PHIP: variants seen among roughly 807,000 people sequenced by gnomAD.
The protein encoded by PHIP is PH-interacting protein.
A neutral mutation model predicts 236.8 loss-of-function variants in PHIP; 54 were observed. That is an observed-to-expected ratio of 0.23 (90% CI 0.18 to 0.29). The LOEUF (loss-of-function observed/expected upper bound fraction) is 0.29, where lower values mean the gene tolerates loss of function less well. PHIP is among the 10% of genes least tolerant of loss of function. PHIP has a pLI of 1.00. For synonymous variants in PHIP, 756 were observed against 718.9 expected, an observed-to-expected ratio of 1.05 and a Z score of -0.83; for missense variants, 1,370 against 2,190.8, an observed-to-expected ratio of 0.63 and a Z score of 7.48.
chr6:79,038,338 G>A (rs961130513), intron 7 of PHIP, among the ~76,000 whole-genome samples: 2 of 152,194 alleles, frequency 1.3e-5, no homozygotes, highest in Non-Finnish European at 2.9e-5. Flanking sequence ...TGGCTCCCCT[G>A]AGCCTCTTTT....
At chr6:79,005,828 C>T (rs753919236) in intron 15 of PHIP, among the ~76,000 whole-genome samples, 47 of 151,832 alleles carry the variant, frequency 3.1e-4, no homozygotes, top group Non-Finnish European at 3.8e-4. Flanking sequence ...GTGAGGGTTG[C>T]GGGGCAAGTA....
intron 7 of PHIP, among the ~76,000 whole-genome samples, chr6:79,026,986 C>G (rs934170483): frequency 3.3e-5 from 5 of 152,050 alleles, no homozygotes; most frequent in Non-Finnish European, 5.9e-5. Flanking sequence ...AAAACACACA[C>G]TTTTGCAAAA....
intron 4 of PHIP, among the ~76,000 whole-genome samples, chr6:79,065,986 AGCTTTT>A (rs2127776340): frequency 1.3e-5 from 2 of 152,150 alleles, no homozygotes; most frequent in South Asian, 4.1e-4. Flanking sequence ...TATAAACTTA[AGCTTTT>A]AATTTAAATT....
chr6:79,014,804 G>T (rs1045758431), intron 15 of PHIP, among the ~76,000 whole-genome samples: 2 of 151,338 alleles, frequency 1.3e-5, no homozygotes, highest in African/African-American at 2.4e-5. Context: ...TCTCTATATT[G>T]TATCTTCATA....
chr6:78,979,583 CT>C (rs1768368200), intron 23 of PHIP, among the ~76,000 whole-genome samples: 1 of 152,048 alleles, frequency 6.6e-6, no homozygotes, highest in Non-Finnish European at 1.5e-5. Flanking sequence ...AGTTCCTTAA[CT>C]TTGCTGGTCA....
intron 4 of PHIP, among the ~76,000 whole-genome samples, chr6:79,070,933 T>C (rs895362149): frequency 2.6e-5 from 4 of 152,234 alleles, no homozygotes; most frequent in African/African-American, 9.6e-5. Context: ...GAAGGCCTGC[T>C]GTACATGAAT....
rs746894193 is a variant in PHIP, at chr6:78,997,474, C to T, written c.2141G>A (p.Arg714Gln). 1.9e-6 allele frequency: 3 copies of T among 1,613,842 alleles called. No homozygotes were observed. Among genetic ancestry groups the T allele is most frequent in the Middle Eastern group, 1.6e-4 (1 of 6,080 alleles). Residue 714 changes from arginine (R) to glutamine (Q), a missense_variant, in exon 19 of 40, where the codon CGG becomes CAG. Arg to Gln is a conservative substitution (Grantham distance 43). Around this residue, in one of 14 missense-constraint regions of PHIP, gnomAD observed 133 missense variants for 245.2 expected, o/e 0.54. Coordinates refer to ENST00000275034, the MANE Select transcript of PHIP (RefSeq NM_017934.7). ...NAPRSEIATERDLVAWSRRVV... is the reference protein window; with the variant it reads ...NAPRSEIATEQDLVAWSRRVV... Reference sequence around the variant, plus strand: ...CCTTCGACTCCAAGCTACCAGATCCCGCTCTGTGGCTATTTCACTTCTTGG... The same window carrying T: ...CCTTCGACTCCAAGCTACCAGATCCTGCTCTGTGGCTATTTCACTTCTTGG...
At chr6:79,075,072 C>T (rs752860071) in intron 4 of PHIP, among the ~76,000 whole-genome samples, 7 of 152,062 alleles carry the variant, frequency 4.6e-5, no homozygotes, top group Middle Eastern at 3.4e-3. Context: ...CGATATACAA[C>T]AACGTAAAAC....
chr6:79,026,298 G>C, intron 7 of PHIP, 134 bp from the exon 8 acceptor site: 1 of 681,418 alleles, frequency 1.5e-6, no homozygotes, highest in Non-Finnish European at 2.5e-6. Context: ...TTAAATACTT[G>C]TGTTAGCTTA....
At chr6:79,033,731 C>G (rs1167028526) in intron 7 of PHIP, among the ~76,000 whole-genome samples, 2 of 152,164 alleles carry the variant, frequency 1.3e-5, no homozygotes, top group Admixed American at 6.5e-5. Flanking sequence ...TTTGTGTGCT[C>G]ACTGGAGTAG....
chr6:79,059,350 A>T (rs1349224402), intron 6 of PHIP, among the ~76,000 whole-genome samples: 16 of 151,744 alleles, frequency 1.1e-4, no homozygotes, highest in Non-Finnish European at 1.5e-5. Context: ...ACATCAAGAC[A>T]TATCATACTC....
intron 19 of PHIP, among the ~76,000 whole-genome samples, chr6:78,996,293 A>G (rs929293877): frequency 7.2e-5 from 11 of 152,224 alleles, no homozygotes; most frequent in African/African-American, 2.7e-4. Flanking sequence ...GCCCACTGCT[A>G]TCTGTGTCTG....
chr6:78,972,462 T>G, intron 24 of PHIP, among the ~76,000 whole-genome samples: 1 of 152,032 alleles, frequency 6.6e-6, no homozygotes, highest in East Asian at 1.9e-4. Flanking sequence ...ACTCTAAAAA[T>G]CAGAGCACCT....
intron 4 of PHIP, among the ~76,000 whole-genome samples, chr6:79,068,518 G>A (rs1283756347): frequency 6.6e-6 from 1 of 152,036 alleles, no homozygotes; most frequent in Non-Finnish European, 1.5e-5. Flanking sequence ...ACACAGCCTG[G>A]GTTTAAAGTT....
chr6:79,061,485 C>A (rs1474822402), intron 4 of PHIP, among the ~76,000 whole-genome samples: 1 of 152,044 alleles, frequency 6.6e-6, no homozygotes, highest in African/African-American at 2.4e-5. Flanking sequence ...AGACTGAATG[C>A]AGAAGCAGAT....
At chr6:79,011,206 C>A (rs1562177088) in intron 15 of PHIP, among the ~76,000 whole-genome samples, 1 of 151,930 alleles carries the variant, frequency 6.6e-6, no homozygotes, top group African/African-American at 2.4e-5. Flanking sequence ...TTAATATACA[C>A]TACTTGCTTC....
chr6:78,940,738 G>C lies in PHIP; in HGVS notation c.5421C>G (p.Val1807=), dbSNP rs1301993742. ...LTFGTSSRGR[V]RKLTEKAKAN... ...CTTTTGCTTTTTCAGTCAACTTTCG[G>C]ACTCGTCCTCTACTAGAAGTTCCAA... Residue 1807 remains valine (V), a synonymous_variant, in exon 40 of 40, where the codon GTC becomes GTG. Coordinates refer to ENST00000275034, the MANE Select transcript of PHIP (RefSeq NM_017934.7). 4.3e-6 allele frequency: 7 copies of C among 1,612,840 alleles called. No individual in the cohort carries two copies. The highest frequency in any genetic ancestry group is 2.2e-5 in the East Asian group (1 of 44,848).
intron 4 of PHIP, among the ~76,000 whole-genome samples, chr6:79,061,292 A>G (rs1773362581): frequency 6.6e-6 from 1 of 152,196 alleles, no homozygotes; most frequent in Non-Finnish European, 1.5e-5. Context: ...ATAATTAGCT[A>G]TCAAGTTAGA....
chr6:79,041,601 T>C (rs1772216632), intron 7 of PHIP, among the ~76,000 whole-genome samples: 1 of 152,056 alleles, frequency 6.6e-6, no homozygotes, highest in Non-Finnish European at 1.5e-5. Flanking sequence ...CTTAAGGTTT[T>C]TGAGAGGTGA....
Sources: gnomAD v4.1 joint callset for allele counts (sites outside exome capture counted in the v4.1 genomes callset) on GRCh38, gnomAD v4.1.1 for gene constraint, gnomAD v4.1.1 regional missense constraint, MANE v1.5 for transcripts, NCBI Gene and HGNC (gene_info 2026-07-23, HGNC 2026-07-21) for gene names.